The following SOX6 variants were observed in gnomAD, a reference collection of about 807,000 sequenced individuals.
SOX6 encodes the protein SRY-box transcription factor 6.
Under a neutral mutation model 97.8 loss-of-function variants are expected in SOX6, and 11 were observed. That is an observed-to-expected ratio of 0.11 (90% CI 0.07 to 0.19). The LOEUF (loss-of-function observed/expected upper bound fraction) is 0.19, where lower values mean the gene tolerates loss of function less well. Among genes scored for constraint, SOX6 ranks in the 10% least tolerant of loss-of-function variants. The pLI is 1.00. For missense variants in SOX6, 810 were observed against 1,039.5 expected (o/e 0.78, Z 3.04); for synonymous variants, 360 against 371.4 (o/e 0.97, Z 0.35).
chr11:16,150,170 T>C (rs541002718), intron 6 of SOX6, among the ~76,000 whole-genome samples: 2 of 152,196 alleles, frequency 1.3e-5, no homozygotes, highest in East Asian at 1.9e-4. Flanking sequence ...AAAATAACAA[T>C]ATTGATTACA....
intron 4 of SOX6, among the ~76,000 whole-genome samples, chr11:16,230,557 C>A (rs1207270889): frequency 6.6e-6 from 1 of 151,554 alleles, no homozygotes; most frequent in Admixed American, 6.6e-5. Context: ...TGCAAATGTG[C>A]AGAATTATTG....
intron 3 of SOX6, among the ~76,000 whole-genome samples, chr11:16,684,763 C>G (rs1177646238): frequency 6.6e-6 from 1 of 151,676 alleles, no homozygotes; most frequent in Non-Finnish European, 1.5e-5. Flanking sequence ...AAAGTAAAGG[C>G]CTTTCTCTTT....
At chr11:16,067,567 A>T (rs1848123327) in intron 9 of SOX6, among the ~76,000 whole-genome samples, 1 of 152,126 alleles carries the variant, frequency 6.6e-6, no homozygotes. Context: ...TTCTTTATAA[A>T]TTACCCAGTC....
intron 9 of SOX6, among the ~76,000 whole-genome samples, chr11:16,094,338 G>A (rs1039015896): frequency 6.6e-6 from 1 of 151,742 alleles, no homozygotes; most frequent in East Asian, 1.9e-4. Context: ...GAGAGAAGCC[G>A]ATCTGAGTGA....
intron 2 of SOX6, among the ~76,000 whole-genome samples, chr11:16,324,269 A>G (rs1388259786): frequency 6.6e-6 from 1 of 152,166 alleles, no homozygotes; most frequent in Non-Finnish European, 1.5e-5. Context: ...TGCTTAAGCT[A>G]AACATTTAGA....
chr11:16,556,951 C>A (rs532196695), intron 4 of SOX6, among the ~76,000 whole-genome samples: 5 of 151,718 alleles, frequency 3.3e-5, no homozygotes, highest in Non-Finnish European at 5.9e-5. Context: ...TTCTTACATA[C>A]CATAACTTCA....
In SOX6 at chr11:16,111,810, G is replaced by A. The variant is rs1388288083; in HGVS notation, c.891C>T (p.Tyr297=). The A allele has an allele frequency of 6.2e-7, 1 of 1,613,034 alleles. No individual in the cohort carries two copies. The highest frequency in any genetic ancestry group is 8.5e-7 in the Non-Finnish European group (1 of 1,179,906). ...QGFLFPPGIT[Y]KPGDNYPVQF... ...AAATCCCTCTCTACTTACCTGGTTT[G>A]TATGTTATTCCAGGGGGGAAGAGGA... Residue 297 remains tyrosine, a synonymous_variant, in exon 7 of 16, where the codon TAC becomes TAT. Transcript: ENST00000683767.
intron 4 of SOX6, among the ~76,000 whole-genome samples, chr11:16,497,909 G>A (rs1247658479): frequency 6.6e-6 from 1 of 152,174 alleles, no homozygotes; most frequent in African/African-American, 2.4e-5. Flanking sequence ...TATTATCCAG[G>A]AGAACTTCTC....
chr11:16,446,465 C>A (rs1859613903), intron 1 of SOX6, among the ~76,000 whole-genome samples: 1 of 151,904 alleles, frequency 6.6e-6, no homozygotes, highest in African/African-American at 2.4e-5. Context: ...AGCGAATTAC[C>A]TTCACAAATA....
At chr11:16,486,765 T>A (rs890487151) in intron 4 of SOX6, among the ~76,000 whole-genome samples, 5 of 152,028 alleles carry the variant, frequency 3.3e-5, no homozygotes, top group African/African-American at 1.2e-4. Context: ...GAAGAATCAC[T>A]TGAACCTGGG....
chr11:16,381,338 TAACTAATC>T (rs1857813101), intron 1 of SOX6, among the ~76,000 whole-genome samples: 1 of 151,996 alleles, frequency 6.6e-6, no homozygotes, highest in Non-Finnish European at 1.5e-5. Flanking sequence ...GCCTCAAGCC[TAACTAATC>T]ACCCAGTTGC....
chr11:16,062,282 AC>A (rs1352517039), intron 9 of SOX6, among the ~76,000 whole-genome samples: 1 of 151,614 alleles, frequency 6.6e-6, no homozygotes, highest in African/African-American at 2.4e-5. Context: ...ACAAAAAAAA[AC>A]TATTTATTCT....
intron 10 of SOX6, among the ~76,000 whole-genome samples, chr11:16,050,292 T>C (rs1847654035): frequency 6.6e-6 from 1 of 152,224 alleles, no homozygotes; most frequent in Admixed American, 6.5e-5. Flanking sequence ...TGTAGTGCTT[T>C]TGTGTTACTC....
chr11:16,506,893 G>T (rs1860796743), intron 4 of SOX6, among the ~76,000 whole-genome samples: 1 of 151,878 alleles, frequency 6.6e-6, no homozygotes, highest in Admixed American at 6.6e-5. Context: ...GTGAAACCCT[G>T]TCTCTACTAA....
At chr11:16,119,459 T>C (rs576456846) in intron 6 of SOX6, among the ~76,000 whole-genome samples, 8 of 152,328 alleles carry the variant, frequency 5.3e-5, no homozygotes, top group South Asian at 2.1e-4. Flanking sequence ...CAGCCTTAAG[T>C]ACTCAAAGAA....
At chr11:16,528,200 T>C (rs1486156424) in intron 4 of SOX6, among the ~76,000 whole-genome samples, 1 of 152,068 alleles carries the variant, frequency 6.6e-6, no homozygotes, top group African/African-American at 2.4e-5. Flanking sequence ...CATAATTACA[T>C]GGCCAAAGTC....
intron 3 of SOX6, among the ~76,000 whole-genome samples, chr11:16,658,431 A>G (rs1227890317): frequency 6.6e-6 from 1 of 152,182 alleles, no homozygotes; most frequent in African/African-American, 2.4e-5. Flanking sequence ...TCTCCTGGCC[A>G]GGTGCGGTGG....
chr11:16,575,842 T>C (rs1234302509), intron 4 of SOX6, among the ~76,000 whole-genome samples: 1 of 152,198 alleles, frequency 6.6e-6, no homozygotes, highest in African/African-American at 2.4e-5. Context: ...GATTTCATTT[T>C]TTTTACCTCA....
At chr11:16,477,124 C>T (rs773509402), upstream of SOX6, among the ~76,000 whole-genome samples, 5 of 151,980 alleles carry the variant, frequency 3.3e-5, no homozygotes, top group Non-Finnish European at 7.4e-5. Flanking sequence ...TTTTTAGTTC[C>T]ATTAAAACAA....
Sources: gnomAD v4.1 joint callset for allele counts (sites outside exome capture counted in the v4.1 genomes callset) on GRCh38, gnomAD v4.1.1 for gene constraint, MANE v1.5 for transcripts, NCBI Gene and HGNC (gene_info 2026-07-23, HGNC 2026-07-21) for gene names.